Variants in ZNF627 observed in about 807,000 individuals in gnomAD.
The protein encoded by ZNF627 is zinc finger protein 627.
A neutral mutation model predicts 10.6 loss-of-function variants in ZNF627; 12 were observed. That is an observed-to-expected ratio of 1.13 (90% CI 0.73 to 1.84). The LOEUF is 1.84. Ranked by LOEUF, ZNF627 falls within the 40% of genes most tolerant of loss-of-function variation. ZNF627 has a pLI of 0.00. For missense variants in ZNF627, 504 were observed against 568.4 expected (o/e 0.89, Z 1.15); for synonymous variants, 176 against 187.1 (o/e 0.94, Z 0.48).
chr19:11,601,842 C>T (rs7249776), intron 1 of ZNF627, among the ~76,000 whole-genome samples: 62,648 of 150,762 alleles, frequency 0.42, 13,321 homozygotes, highest in Non-Finnish European at 0.47. Context: ...CCCATCTCTA[C>T]TAAAAATACA....
rs200869064 is a variant in ZNF627, at chr19:11,600,439, C to CA, written c.3+2819dup. Among the ~76,000 whole-genome samples, 951 of 148,346 alleles carry CA rather than the reference C, an allele frequency of 6.4e-3. 8 individuals carry two copies. Among genetic ancestry groups the CA allele is most frequent in the African/African-American group, 0.022 (899 of 40,500 alleles). On this transcript the variant is annotated intron_variant, in intron 1 of 3. Transcript: ENST00000361113. ...TGGGCAACAGAGCAAGACTCCATCT[C>CA]AAAAAAAAAATTATTATTTTTTTCT...
In ZNF627 at chr19:11,597,686, G is replaced by A. The variant is rs534446320; in HGVS notation, c.3+56G>A. 32 of 1,328,164 alleles carry A rather than the reference G, an allele frequency of 2.4e-5. No individual in the cohort carries two copies. The Admixed American group carries it at 9.5e-4, about 39-fold the overall frequency. 82.3% of individuals were successfully genotyped at this position (1,328,164 alleles called of 1,614,324 possible). A position where few individuals can be genotyped will look rare whatever the true frequency, so the allele number is the denominator to read the frequency against. On this transcript the variant is annotated intron_variant, in intron 1 of 3. Coordinates refer to ENST00000361113, the MANE Select transcript of ZNF627 (RefSeq NM_145295.4). Reference sequence around the variant, plus strand: ...CTGGGGGAGGGGCTGGTTGGAACCGGCCGGAACCGGCTGTGGAGGGACCTA... The same window carrying A: ...CTGGGGGAGGGGCTGGTTGGAACCGACCGGAACCGGCTGTGGAGGGACCTA...
chr19:11,617,651 G>T lies in ZNF627; in HGVS notation c.1148G>T (p.Arg383Ile). 1 of 1,613,368 alleles carries T rather than the reference G, an allele frequency of 6.2e-7. No homozygotes were observed. The highest frequency in any genetic ancestry group is 8.5e-7 in the Non-Finnish European group (1 of 1,179,836). Residue 383 changes from arginine (R) to isoleucine (I), a missense_variant, in exon 4 of 4, where the codon AGA becomes ATA. Coordinates refer to ENST00000361113, the MANE Select transcript of ZNF627 (RefSeq NM_145295.4). The part of the protein sequence containing the change: ...SCSSSFRKHE[R>I]IHTGEKPYKC... ...TCCAGTTCGTTTCGAAAACATGAAAGAATTCACACTGGAGAGAAACCCTAT... is the reference window on the plus strand; with the variant it reads ...TCCAGTTCGTTTCGAAAACATGAAATAATTCACACTGGAGAGAAACCCTAT...
At chr19:11,614,495 C>G in intron 1 of ZNF627, 32 bp from the exon 2 acceptor site, 1 of 1,613,344 alleles carries the variant, frequency 6.2e-7, no homozygotes, top group Non-Finnish European at 8.5e-7. Context: ...TCTGTCTCAA[C>G]CTTCCTCCTC....
intron 3 of ZNF627, among the ~76,000 whole-genome samples, chr19:11,616,178 C>A (rs1973864263): frequency 6.6e-6 from 1 of 151,686 alleles, no homozygotes; most frequent in South Asian, 2.1e-4. Context: ...GCTGGGATTA[C>A]ACGCGTGCTC....
At chr19:11,606,117 G>A (rs1256769063) in intron 1 of ZNF627, among the ~76,000 whole-genome samples, 4 of 152,070 alleles carry the variant, frequency 2.6e-5, no homozygotes, top group African/African-American at 4.8e-5. Flanking sequence ...CGAGGCAAGC[G>A]GATCATGAGG....
rs374176753 is a variant in ZNF627, at chr19:11,614,605, C to T, written c.82C>T (p.Leu28Phe). The change falls in exon 2 of 4, where the codon CTC becomes TTC. Residue 28 changes from leucine to phenylalanine, a missense_variant. Coordinates refer to ENST00000361113, the MANE Select transcript of ZNF627 (RefSeq NM_145295.4). The part of the protein sequence containing the change: ...WALLDPSQKN[L>F]YRDVMRETFR... ...TTTGCTGGATCCTTCCCAGAAGAAT[C>T]TCTACAGGGATGTGATGCGGGAAAC... 3.1e-6 allele frequency: 5 copies of T among 1,613,660 alleles called. No individual in the cohort carries two copies. The highest frequency in any genetic ancestry group is 3.4e-6 in the Non-Finnish European group (4 of 1,179,972).
In ZNF627 at chr19:11,597,579, A is replaced by G. The variant is rs1172224292; in HGVS notation, c.-49A>G. 8 of 1,320,164 alleles carry G rather than the reference A, an allele frequency of 6.1e-6. No homozygotes were observed. The highest frequency in any genetic ancestry group is 7.8e-6 in the Non-Finnish European group (8 of 1,026,250). The allele number at this position is 1,320,164 out of a possible 1,614,324, so 81.8% of individuals were successfully genotyped here. ...GCCTCTGTCGCGCCGTGACCTGTAC[A>G]GGTCGCGGGAGTCGTAGGGAGGACG... On this transcript the variant is annotated 5_prime_UTR_variant, in exon 1 of 4. Transcript: ENST00000361113.
In ZNF627 at chr19:11,616,803, G is replaced by A. The variant is rs148523693; in HGVS notation, c.300G>A (p.Pro100=). 2,287 of 1,614,014 alleles carry A rather than the reference G, an allele frequency of 1.4e-3. 6 individuals are homozygous for A. The highest frequency in any genetic ancestry group is 1.8e-3 in the Non-Finnish European group (2,079 of 1,179,988). Residue 100 remains proline (P), a synonymous_variant, in exon 4 of 4, where the codon CCG becomes CCA. Transcript: ENST00000361113. The stretch of plus-strand genomic sequence containing the variant: ...ACAAGAAAACTCCTGGAGTAAAACC[G>A]TGTGAAAGCAGTGTGTGTGGAGAAG... The part of the protein sequence containing the change: ...ILNKKTPGVK[P]CESSVCGEVG...
intron 3 of ZNF627, among the ~76,000 whole-genome samples, chr19:11,615,311 C>A (rs1183749896): frequency 6.6e-6 from 1 of 150,940 alleles, no homozygotes. Context: ...TTTAGAAAAT[C>A]TTCTCCAAGC....
intron 1 of ZNF627, among the ~76,000 whole-genome samples, chr19:11,600,727 C>T (rs1161145794): frequency 6.6e-6 from 1 of 152,308 alleles, no homozygotes; most frequent in East Asian, 1.9e-4. Flanking sequence ...CAGTGGATAA[C>T]TGTTCTCTTC....
At chr19:11,597,887 C>A (rs567190297) in intron 1 of ZNF627, among the ~76,000 whole-genome samples, 1 of 152,352 alleles carries the variant, frequency 6.6e-6, no homozygotes, top group South Asian at 2.1e-4. Flanking sequence ...ATGGGGGTAT[C>A]CCTCCTCGGA....
intron 3 of ZNF627, among the ~76,000 whole-genome samples, chr19:11,616,204 AT>A (rs1455978906): frequency 6.7e-6 from 1 of 150,080 alleles, no homozygotes; most frequent in East Asian, 2.0e-4. Flanking sequence ...CGCCTGGCTA[AT>A]TTTTTTTATT....
In ZNF627 at chr19:11,617,745, T is replaced by G; in HGVS notation, c.1242T>G (p.Thr414=). Residue 414 remains threonine (T), a synonymous_variant, in exon 4 of 4, where the codon ACT becomes ACG. Coordinates refer to ENST00000361113, the MANE Select transcript of ZNF627 (RefSeq NM_145295.4). ...TCCGAATCCATGAAAGAACTCACAC[T>G]GGAGAGAAACCCTATGAATGTAAGC... ...SYFRIHERTH[T]GEKPYECKQC... is the part of the protein sequence containing the mutation. 6.2e-7 allele frequency: 1 copy of G among 1,613,504 alleles called. No individual in the cohort carries two copies. The highest frequency in any genetic ancestry group is 8.5e-7 in the Non-Finnish European group (1 of 1,179,890).
intron 1 of ZNF627, among the ~76,000 whole-genome samples, chr19:11,611,439 T>C (rs1289661273): frequency 1.3e-5 from 2 of 152,174 alleles, no homozygotes; most frequent in Non-Finnish European, 2.9e-5. Flanking sequence ...AGGAATCCTC[T>C]TCCCCCAGCT....
rs1015294059 is a variant in ZNF627 at position 11,619,046 on chromosome 19, T to C, written c.*1157T>C. ...ATACCAAAAGTTAAGTCATGCTGTT[T>C]TGTGTGCTCTCTTGCTAAAGACCGC... On this transcript the variant is annotated 3_prime_UTR_variant, in exon 4 of 4. Transcript: ENST00000361113. 4 of 152,184 alleles carry C rather than the reference T, an allele frequency of 2.6e-5. No individual in the cohort carries two copies. The highest frequency in any genetic ancestry group is 4.8e-5 in the African/African-American group (2 of 41,436). The allele number at this position is 152,184 out of a possible 1,614,324, so 9.4% of individuals were successfully genotyped here.
intron 3 of ZNF627, 118 bp from the exon 4 acceptor site, chr19:11,616,577 T>C (rs929129562): frequency 4.2e-6 from 3 of 708,638 alleles, no homozygotes; most frequent in African/African-American, 3.6e-5. Flanking sequence ...CTGGGCAACA[T>C]AGTAAGATTC....
At chr19:11,609,469 TTTTATATATATATATATA>T (rs1465275232) in intron 1 of ZNF627, among the ~76,000 whole-genome samples, 19 of 115,862 alleles carry the variant, frequency 1.6e-4, no homozygotes, top group African/African-American at 5.8e-4. Flanking sequence ...TTTTAAAAAA[TTTTATATATATATATATA>T]TATATATATA....
intron 1 of ZNF627, among the ~76,000 whole-genome samples, chr19:11,608,298 G>A (rs995001987): frequency 6.6e-6 from 1 of 152,124 alleles, no homozygotes; most frequent in Non-Finnish European, 1.5e-5. Flanking sequence ...TTGGGTGGGG[G>A]CACAGCCAAA....
Sources: gnomAD v4.1 joint callset for allele counts (sites outside exome capture counted in the v4.1 genomes callset) on GRCh38, gnomAD v4.1.1 for gene constraint, MANE v1.5 for transcripts, NCBI Gene and HGNC (gene_info 2026-07-23, HGNC 2026-07-21) for gene names.